NR3C2: variants seen among roughly 807,000 people sequenced by gnomAD.
NR3C2 encodes nuclear receptor subfamily 3 group C member 2.
A neutral mutation model predicts 86.4 loss-of-function variants in NR3C2; 15 were observed. The observed-to-expected ratio is 0.17, with a 90% CI of 0.12 to 0.27. The LOEUF is 0.27. Ranked by LOEUF, NR3C2 falls within the 10% of genes least tolerant of loss-of-function variation. The pLI is 1.00. For synonymous variants in NR3C2, 458 were observed against 450.5 expected (o/e 1.02, Z -0.21); for missense variants, 960 against 1,195.6 (o/e 0.80, Z 2.91).
chr4:148,264,758 T>C (rs1740291915), intron 2 of NR3C2, among the ~76,000 whole-genome samples: 1 of 152,158 alleles, frequency 6.6e-6, no homozygotes, highest in African/African-American at 2.4e-5. Flanking sequence ...TTAATCCAAA[T>C]TGAGCTCAAA....
At chr4:148,163,511 G>T (rs918569379) in intron 4 of NR3C2, among the ~76,000 whole-genome samples, 1 of 152,128 alleles carries the variant, frequency 6.6e-6, no homozygotes, top group African/African-American at 2.4e-5. Flanking sequence ...ATCTCAGAAT[G>T]CCTGCTTGAG....
At chr4:148,297,889 CAAA>C (rs80142284) in intron 2 of NR3C2, among the ~76,000 whole-genome samples, 2 of 103,574 alleles carry the variant, frequency 1.9e-5, no homozygotes, top group Non-Finnish European at 2.0e-5. Context: ...AACTCCGTCT[CAAA>C]AAAAAAAAAA....
chr4:148,221,011 C>T (rs868741690), intron 3 of NR3C2, among the ~76,000 whole-genome samples: 3 of 150,500 alleles, frequency 2.0e-5, no homozygotes, highest in African/African-American at 5.0e-5. Flanking sequence ...AAGCTAGCAA[C>T]TGAAACATGT....
chr4:148,230,554 TC>T (rs1188299122), intron 3 of NR3C2, among the ~76,000 whole-genome samples: 1 of 152,166 alleles, frequency 6.6e-6, no homozygotes, highest in African/African-American at 2.4e-5. Flanking sequence ...ATAGCTGCCT[TC>T]CCTCTGAAAT....
chr4:148,428,268 G>A (rs1749645708), intron 2 of NR3C2, among the ~76,000 whole-genome samples: 1 of 152,166 alleles, frequency 6.6e-6, no homozygotes, highest in African/African-American at 2.4e-5. Context: ...GTTAAGGTTG[G>A]GGAGACCATG....
chr4:148,286,471 A>T (rs1258649160), intron 2 of NR3C2, among the ~76,000 whole-genome samples: 1 of 152,184 alleles, frequency 6.6e-6, no homozygotes, highest in African/African-American at 2.4e-5. Flanking sequence ...TCTTCACAAT[A>T]ACCATATGGT....
chr4:148,327,742 T>C (rs1212536641), intron 2 of NR3C2, among the ~76,000 whole-genome samples: 2 of 152,226 alleles, frequency 1.3e-5, no homozygotes, highest in East Asian at 3.9e-4. Context: ...ATATTAATAC[T>C]ACTACCAAGC....
At position 148,436,145 on chromosome 4, in the gene NR3C2, G is replaced by C; in HGVS notation, c.716C>G (p.Pro239Arg). The part of the protein sequence containing the change: ...ITQGTPLTCS[P>R]NVENRGSRSH... ...CCTGGAGCCTCGATTTTCAACATTA[G>C]GGGAGCATGTCAGAGGAGTTCCCTG... Residue 239 changes from proline to arginine, a missense_variant, in exon 2 of 9, where the codon CCT becomes CGT. Pro to Arg is a moderately radical substitution (Grantham distance 103, BLOSUM62 -2). Transcript: ENST00000358102. The C allele has an allele frequency of 6.2e-7, 1 of 1,614,178 alleles. No homozygotes were observed. Among genetic ancestry groups the C allele is most frequent in the Middle Eastern group, 1.6e-4 (1 of 6,062 alleles).
At chr4:148,313,894 T>A (rs182994043) in intron 2 of NR3C2, among the ~76,000 whole-genome samples, 272 of 152,320 alleles carry the variant, frequency 1.8e-3, no homozygotes, top group African/African-American at 6.2e-3. Flanking sequence ...TAGCATAAAC[T>A]TGTGAGTTTT....
chr4:148,292,114 T>A (rs892045643), intron 2 of NR3C2, among the ~76,000 whole-genome samples: 7 of 152,108 alleles, frequency 4.6e-5, no homozygotes, highest in Admixed American at 2.6e-4. Flanking sequence ...CTTTTTTTTT[T>A]AATCTGGAGT....
chr4:148,278,462 T>G (rs1579098464), intron 2 of NR3C2, among the ~76,000 whole-genome samples: 1 of 152,162 alleles, frequency 6.6e-6, no homozygotes. Context: ...TCATATGTAC[T>G]AAATGATGTG....
chr4:148,225,684 T>C (rs754349968), intron 3 of NR3C2, among the ~76,000 whole-genome samples: 5 of 152,178 alleles, frequency 3.3e-5, no homozygotes, highest in Non-Finnish European at 5.9e-5. Context: ...GTACTAGTAA[T>C]GGAGTTACTA....
intron 3 of NR3C2, among the ~76,000 whole-genome samples, chr4:148,237,774 A>C (rs1186275129): frequency 6.6e-6 from 1 of 152,096 alleles, no homozygotes; most frequent in Non-Finnish European, 1.5e-5. Context: ...GGTGAATAGT[A>C]GTGATAGAAT....
intron 6 of NR3C2, among the ~76,000 whole-genome samples, chr4:148,123,031 G>C (rs963325918): frequency 6.6e-6 from 1 of 152,114 alleles, no homozygotes; most frequent in Non-Finnish European, 1.5e-5. Flanking sequence ...CGTGCAAGTA[G>C]GAAATATATC....
chr4:148,299,902 A>G (rs1742252487), intron 2 of NR3C2, among the ~76,000 whole-genome samples: 2 of 152,138 alleles, frequency 1.3e-5, no homozygotes, highest in Admixed American at 1.3e-4. Context: ...AAGCCGTGTT[A>G]CTAGACCAGG....
intron 2 of NR3C2, among the ~76,000 whole-genome samples, chr4:148,331,860 G>C (rs942935100): frequency 1.3e-5 from 2 of 152,086 alleles, no homozygotes; most frequent in African/African-American, 4.8e-5. Flanking sequence ...CTCTCACCTT[G>C]GTGCTCATTC....
Position 148,081,193 on chromosome 4 carries a change from G to T in NR3C2, c.*151C>A. The stretch of plus-strand genomic sequence containing the variant: ...AATCCACGGAAAAACAGCTTTCCCG[G>T]CTCCAAACCTCTGACATGACTTTAA... On this transcript the variant is annotated 3_prime_UTR_variant, in exon 9 of 9. Transcript: ENST00000358102. The T allele has an allele frequency of 8.9e-7, 1 of 1,126,416 alleles. No homozygotes were observed. The highest frequency in any genetic ancestry group is 1.3e-6 in the Non-Finnish European group (1 of 766,502). The allele number at this position is 1,126,416 out of a possible 1,614,324, so 69.8% of individuals were successfully genotyped here. A position where few individuals can be genotyped will look rare whatever the true frequency, so the allele number is the denominator to read the frequency against.
intron 2 of NR3C2, among the ~76,000 whole-genome samples, chr4:148,376,218 T>A (rs954453079): frequency 6.7e-6 from 1 of 149,710 alleles, no homozygotes; most frequent in Non-Finnish European, 1.5e-5. Context: ...TTGCCATAGA[T>A]GAAACTCTTT....
intron 2 of NR3C2, among the ~76,000 whole-genome samples, chr4:148,312,828 T>C (rs1274413033): frequency 6.6e-6 from 1 of 152,196 alleles, no homozygotes; most frequent in African/African-American, 2.4e-5. Context: ...TTGCATTTCA[T>C]TTATAAAAAG....
Sources: allele counts gnomAD v4.1 joint callset (sites outside exome capture counted in the v4.1 genomes callset), GRCh38; gene constraint gnomAD v4.1.1; transcripts MANE v1.5; gene names NCBI Gene and HGNC (gene_info 2026-07-23, HGNC 2026-07-21).